The following NKAIN2 variants were observed in gnomAD, a reference collection of about 807,000 sequenced individuals.
NKAIN2 encodes sodium/potassium transporting ATPase interacting 2, also known as sodium/potassium-transporting ATPase subunit beta-1-interacting protein 2.
A neutral mutation model predicts 32.6 loss-of-function variants in NKAIN2; 14 were observed. That is an observed-to-expected ratio of 0.43 (90% CI 0.28 to 0.67). NKAIN2 has a LOEUF of 0.67. Among genes scored for constraint, NKAIN2 ranks in the 30% least tolerant of loss-of-function variants. The pLI, the probability that NKAIN2 is intolerant of heterozygous loss-of-function variation, is 0.17. For missense variants in NKAIN2, 198 were observed against 258.3 expected, an observed-to-expected ratio of 0.77 and a Z score of 1.60; for synonymous variants, 80 against 87.2, an observed-to-expected ratio of 0.92 and a Z score of 0.46.
intron 3 of NKAIN2, among the ~76,000 whole-genome samples, chr6:124,596,277 T>G (rs1782083029): frequency 6.6e-6 from 1 of 151,812 alleles, no homozygotes. Flanking sequence ...GGATGTGAGG[T>G]GAGTACTGCC....
intron 1 of NKAIN2, among the ~76,000 whole-genome samples, chr6:123,921,969 G>A (rs150905519): frequency 0.013 from 2,026 of 151,996 alleles, 28 homozygotes; most frequent in Middle Eastern, 0.031. Flanking sequence ...GAACTTTAGA[G>A]AGTGATAAAT....
chr6:123,937,983 G>A (rs1776595543), intron 1 of NKAIN2, among the ~76,000 whole-genome samples: 1 of 18,370 alleles, frequency 5.4e-5, no homozygotes, highest in African/African-American at 3.8e-4. Flanking sequence ...CTTGGGCCTT[G>A]AACATACACG....
intron 4 of NKAIN2, among the ~76,000 whole-genome samples, chr6:124,751,816 A>C (rs1381699911): frequency 6.8e-6 from 1 of 146,636 alleles, no homozygotes; most frequent in Non-Finnish European, 1.5e-5. Flanking sequence ...CCATCTCAAT[A>C]AATAAATAAA....
chr6:124,609,422 G>C (rs1021399230), intron 3 of NKAIN2, among the ~76,000 whole-genome samples: 2 of 144,524 alleles, frequency 1.4e-5, no homozygotes, highest in Admixed American at 7.0e-5. Flanking sequence ...ATGAAGTGTA[G>C]CATCTCCAAA....
intron 3 of NKAIN2, among the ~76,000 whole-genome samples, chr6:124,468,745 A>G (rs922665487): frequency 6.6e-6 from 1 of 152,190 alleles, no homozygotes; most frequent in Middle Eastern, 3.2e-3. Flanking sequence ...AAACTTATAT[A>G]TGGGCCAAGT....
At chr6:124,367,019 A>G (rs1008602911) in intron 3 of NKAIN2, among the ~76,000 whole-genome samples, 2 of 151,950 alleles carry the variant, frequency 1.3e-5, no homozygotes, top group South Asian at 4.1e-4. Flanking sequence ...CCCACACTGT[A>G]TTGTAATACA....
chr6:124,635,212 C>A (rs181845144), intron 3 of NKAIN2, among the ~76,000 whole-genome samples: 1 of 151,788 alleles, frequency 6.6e-6, no homozygotes, highest in African/African-American at 2.4e-5. Context: ...ACCATCAGAC[C>A]AGCCATACAA....
chr6:123,832,867 G>A (rs1774443853), intron 1 of NKAIN2, among the ~76,000 whole-genome samples: 1 of 152,036 alleles, frequency 6.6e-6, no homozygotes, highest in African/African-American at 2.4e-5. Context: ...GTATATTTTG[G>A]GTAATAGTCT....
At chr6:124,269,266 A>G (rs1025666846) in intron 1 of NKAIN2, among the ~76,000 whole-genome samples, 24 of 152,288 alleles carry the variant, frequency 1.6e-4, no homozygotes, top group South Asian at 8.3e-4. Context: ...TTTTCAGAGC[A>G]GCATCTCCGT....
intron 2 of NKAIN2, among the ~76,000 whole-genome samples, chr6:124,304,318 A>G (rs1436219906): frequency 2.0e-5 from 3 of 152,172 alleles, no homozygotes; most frequent in South Asian, 2.1e-4. Context: ...CTCTGCATTT[A>G]TTAATCCGTT....
chr6:124,626,391 C>T (rs1177163674), intron 3 of NKAIN2, among the ~76,000 whole-genome samples: 1 of 151,906 alleles, frequency 6.6e-6, no homozygotes, highest in Non-Finnish European at 1.5e-5. Context: ...ATCACAGAGA[C>T]ATGATATAAT....
At chr6:124,071,449 T>G (rs907817150) in intron 1 of NKAIN2, among the ~76,000 whole-genome samples, 6 of 151,916 alleles carry the variant, frequency 3.9e-5, no homozygotes, top group South Asian at 4.1e-4. Context: ...CAAAAGCAAT[T>G]GCAACAAAAA....
At chr6:124,436,102 C>G (rs1001211895) in intron 3 of NKAIN2, among the ~76,000 whole-genome samples, 2 of 152,104 alleles carry the variant, frequency 1.3e-5, no homozygotes, top group African/African-American at 4.8e-5. Context: ...CTTTGTCTTT[C>G]TGCTTTATCA....
intron 4 of NKAIN2, among the ~76,000 whole-genome samples, chr6:124,673,811 T>C (rs575268266): frequency 6.6e-6 from 1 of 152,162 alleles, no homozygotes; most frequent in Admixed American, 6.6e-5. Flanking sequence ...GGTTTACCAA[T>C]ATTTTCCACT....
chr6:124,824,398 A>G lies in NKAIN2; in HGVS notation c.*1169A>G, dbSNP rs535966408. 6.6e-6 allele frequency: 1 copy of G among 152,328 alleles called. No homozygotes were observed. Among genetic ancestry groups the G allele is most frequent in the Admixed American group, 6.5e-5 (1 of 15,274 alleles). 9.4% of individuals were successfully genotyped at this position (152,328 alleles called of 1,614,324 possible). The stretch of plus-strand genomic sequence containing the variant: ...AATAGTTACCTTGGTGAAATATTTG[A>G]GATCTTTTTGTGGTATTTGGGGGAT... On this transcript the variant is annotated 3_prime_UTR_variant, in exon 7 of 7. Transcript: ENST00000368417.
chr6:124,791,220 C>G, intron 4 of NKAIN2, 119 bp from the exon 5 acceptor site: 1 of 615,516 alleles, frequency 1.6e-6, no homozygotes, highest in East Asian at 2.7e-5. Context: ...TCCGATGAGC[C>G]ATGTTGGTTG....
intron 1 of NKAIN2, among the ~76,000 whole-genome samples, chr6:124,199,074 C>T (rs1582834228): frequency 6.6e-6 from 1 of 152,126 alleles, no homozygotes; most frequent in Non-Finnish European, 1.5e-5. Context: ...ATGTGTCCCA[C>T]AATTTATTTT....
chr6:124,063,184 C>CA lies in NKAIN2; in HGVS notation c.55-219811dup, dbSNP rs910780479. On this transcript the variant is annotated intron_variant, in intron 1 of 6. Transcript: ENST00000368417. ...TGGGCAACACAGTGAGACTCCATCT[C>CA]AAAAAAAAAATTATATATATATATC... is the stretch of plus-strand genomic sequence containing the variant. Among the ~76,000 whole-genome samples, 935 of 145,550 alleles carry CA rather than the reference C, an allele frequency of 6.4e-3. 32 individuals carry two copies. The highest frequency in any genetic ancestry group is 0.056 in the Admixed American group (820 of 14,656).
chr6:123,865,555 G>A (rs964674606), intron 1 of NKAIN2, among the ~76,000 whole-genome samples: 1 of 151,582 alleles, frequency 6.6e-6, no homozygotes, highest in Non-Finnish European at 1.5e-5. Context: ...ACTTATTTTT[G>A]TTATATGTTT....
Sources: gnomAD v4.1 joint callset for allele counts (sites outside exome capture counted in the v4.1 genomes callset) on GRCh38, gnomAD v4.1.1 for gene constraint, MANE v1.5 for transcripts, NCBI Gene and HGNC (gene_info 2026-07-23, HGNC 2026-07-21) for gene names.